Variants in SORCS1 observed in about 807,000 individuals in gnomAD.
The protein encoded by SORCS1 is VPS10 domain-containing receptor SorCS1.
SORCS1 carries 60 observed loss-of-function variants against 146.1 expected under a neutral mutation model. The observed-to-expected ratio is 0.41, with a 90% CI of 0.33 to 0.51. The LOEUF is 0.51. Ranked by LOEUF, SORCS1 falls within the 20% of genes least tolerant of loss-of-function variation. The pLI, the probability that SORCS1 is intolerant of heterozygous loss-of-function variation, is 0.21. For synonymous variants in SORCS1, 637 were observed against 584.0 expected (o/e 1.09, Z -1.31); for missense variants, 1,352 against 1,487.6 (o/e 0.91, Z 1.50).
At chr10:107,101,344 T>A (rs1964911198) in intron 1 of SORCS1, among the ~76,000 whole-genome samples, 1 of 152,112 alleles carries the variant, frequency 6.6e-6, no homozygotes, top group Non-Finnish European at 1.5e-5. Context: ...CCGTGCCCGG[T>A]CTATTTTTTC....
At chr10:106,729,845 C>A (rs919724192) in intron 6 of SORCS1, among the ~76,000 whole-genome samples, 4 of 152,172 alleles carry the variant, frequency 2.6e-5, no homozygotes, top group African/African-American at 9.6e-5. Context: ...GCCTACCTAT[C>A]CTTAGCTCTT....
intron 2 of SORCS1, among the ~76,000 whole-genome samples, chr10:106,879,191 AATGGTGAGC>A (rs1343889547): frequency 6.6e-6 from 1 of 151,616 alleles, no homozygotes; most frequent in Non-Finnish European, 1.5e-5. Context: ...AAGAGTGAGC[AATGGTGAGC>A]ATGCCGTTTA....
intron 1 of SORCS1, among the ~76,000 whole-genome samples, chr10:107,149,190 GTTCT>G (rs1404418127): frequency 6.6e-6 from 1 of 152,106 alleles, no homozygotes; most frequent in Non-Finnish European, 1.5e-5. Context: ...CATCCTTTCT[GTTCT>G]TTTTTTCTTT....
intron 2 of SORCS1, among the ~76,000 whole-genome samples, chr10:106,838,042 C>T (rs1948855363): frequency 6.6e-6 from 1 of 152,316 alleles, no homozygotes; most frequent in African/African-American, 2.4e-5. Flanking sequence ...GAACAGCGCC[C>T]TGGGCACAGT....
chr10:106,620,174 A>T, intron 20 of SORCS1: 1 of 369,438 alleles, frequency 2.7e-6, no homozygotes. Flanking sequence ...GAGTCACTAC[A>T]AAGACAAGTA....
Position 106,880,915 on chromosome 10 carries a change from C to T in SORCS1, c.627-51242G>A, listed in dbSNP as rs889542637. Among the ~76,000 whole-genome samples, 43 of 151,802 alleles carry T rather than the reference C, an allele frequency of 2.8e-4. 1 individual carries two copies. Among genetic ancestry groups the T allele is most frequent in the Admixed American group, 2.7e-3 (41 of 15,240 alleles). On this transcript the variant is annotated intron_variant, in intron 2 of 25. Coordinates refer to ENST00000263054, the MANE Select transcript of SORCS1 (RefSeq NM_052918.5). ...CATCCTGGCTAACATGGTGAAACCC[C>T]ATCTCTACTAAAAATACAAAAAAAA...
intron 2 of SORCS1, among the ~76,000 whole-genome samples, chr10:106,862,342 A>G (rs1338107426): frequency 1.3e-5 from 2 of 151,460 alleles, no homozygotes; most frequent in Non-Finnish European, 2.9e-5. Context: ...TGCTATCCAG[A>G]AAACATATGC....
intron 2 of SORCS1, among the ~76,000 whole-genome samples, chr10:106,918,373 C>T (rs867489558): frequency 1.3e-5 from 2 of 152,058 alleles, no homozygotes; most frequent in Admixed American, 1.3e-4. Context: ...CCATGTTAGC[C>T]AGGATGGTCT....
chr10:107,059,330 G>A (rs1960947225), intron 1 of SORCS1, among the ~76,000 whole-genome samples: 1 of 152,186 alleles, frequency 6.6e-6, no homozygotes, highest in Admixed American at 6.5e-5. Flanking sequence ...TAGTTTCGCT[G>A]AAACTGTGAC....
At chr10:106,578,888 GA>G in intron 25 of SORCS1, 1 of 1,409,420 alleles carries the variant, frequency 7.1e-7, no homozygotes, top group Non-Finnish European at 9.2e-7. Context: ...ACTAATGAGA[GA>G]AAAAAACTAG....
At chr10:106,754,112 C>G (rs961898898) in intron 5 of SORCS1, among the ~76,000 whole-genome samples, 10 of 152,218 alleles carry the variant, frequency 6.6e-5, no homozygotes, top group African/African-American at 2.4e-4. Flanking sequence ...ATATTCCTTA[C>G]TTTCTGTCCA....
intron 2 of SORCS1, among the ~76,000 whole-genome samples, chr10:106,918,055 A>C (rs1214338279): frequency 6.6e-6 from 1 of 151,868 alleles, no homozygotes; most frequent in Admixed American, 6.6e-5. Context: ...ATTGTAACTT[A>C]AAAAAAAATC....
intron 18 of SORCS1, among the ~76,000 whole-genome samples, chr10:106,638,078 T>C (rs946326849): frequency 2.0e-5 from 3 of 152,210 alleles, no homozygotes; most frequent in Non-Finnish European, 2.9e-5. Flanking sequence ...CCTTGACCCA[T>C]TGCACTTTGG....
chr10:107,146,812 A>T (rs923807991), intron 1 of SORCS1, among the ~76,000 whole-genome samples: 3 of 152,124 alleles, frequency 2.0e-5, no homozygotes, highest in Admixed American at 1.3e-4. Context: ...CTCTCACCCT[A>T]GGTTAAGTAG....
chr10:107,024,805 A>G (rs1261642960), intron 1 of SORCS1, among the ~76,000 whole-genome samples: 1 of 152,230 alleles, frequency 6.6e-6, no homozygotes, highest in South Asian at 2.1e-4. Context: ...CACAGAGTAC[A>G]TCTTTAAAAG....
chr10:106,579,511 G>C (rs375314830), intron 24 of SORCS1, 37 bp from the exon 25 acceptor site: 5 of 1,605,246 alleles, frequency 3.1e-6, no homozygotes, highest in East Asian at 4.5e-5. Flanking sequence ...AATGAGCAGA[G>C]AACTGGGCAG....
chr10:107,049,721 T>C (rs185832349), intron 1 of SORCS1, among the ~76,000 whole-genome samples: 121 of 152,316 alleles, frequency 7.9e-4, no homozygotes, highest in African/African-American at 2.8e-3. Flanking sequence ...AAGTCTTGGC[T>C]AAATCACACC....
At position 107,107,892 on chromosome 10, in the gene SORCS1, A is replaced by G. The variant is rs75690692; in HGVS notation, c.558+56077T>C. Reference sequence around the variant, plus strand: ...CAGAAAAATTCATGCACACTAGTACATTGGCAGACAGGCCAGCCAAAGTTG... The same window carrying G: ...CAGAAAAATTCATGCACACTAGTACGTTGGCAGACAGGCCAGCCAAAGTTG... On this transcript the variant is annotated intron_variant, in intron 1 of 25. Transcript: ENST00000263054. Among the ~76,000 whole-genome samples the G allele has an allele frequency of 4.5e-4, 69 of 152,334 alleles. 1 individual carries two copies. The East Asian group carries it at 0.012, about 27-fold the overall frequency.
chr10:106,647,313 C>T lies in SORCS1; in HGVS notation c.2475+5069G>A, dbSNP rs1849521295. On this transcript the variant is annotated intron_variant, in intron 18 of 25. Coordinates refer to ENST00000263054, the MANE Select transcript of SORCS1 (RefSeq NM_052918.5). The stretch of plus-strand genomic sequence containing the variant: ...TTTATTTCCAAATTTGTGTTGTTTT[C>T]TGGGTAGTGCTATTGAAAATAAGTT... Among the ~76,000 whole-genome samples the T allele has an allele frequency of 2.0e-5, 3 of 150,962 alleles. No individual in the cohort carries two copies. The South Asian group carries it at 6.3e-4, about 32-fold the overall frequency.
Sources: gnomAD v4.1 joint callset for allele counts (sites outside exome capture counted in the v4.1 genomes callset) on GRCh38, gnomAD v4.1.1 for gene constraint, MANE v1.5 for transcripts, NCBI Gene and HGNC (gene_info 2026-07-23, HGNC 2026-07-21) for gene names.